The following DNAH7 variants were observed in gnomAD, a reference collection of about 807,000 sequenced individuals.
DNAH7 encodes the protein dynein axonemal heavy chain 7, also known as axonemal beta dynein heavy chain 7.
Under a neutral mutation model 444.6 loss-of-function variants are expected in DNAH7, and 397 were observed. The ratio of observed to expected loss-of-function variants is 0.89; its 90% confidence interval spans 0.82 to 0.97. The LOEUF (loss-of-function observed/expected upper bound fraction) is 0.97. DNAH7 is among the 50% of genes least tolerant of loss of function. DNAH7 has a pLI of 0.00. For missense variants in DNAH7, 4,902 were observed against 4,800.8 expected, an observed-to-expected ratio of 1.02 and a Z score of -0.62; for synonymous variants, 1,636 against 1,624.4, an observed-to-expected ratio of 1.01 and a Z score of -0.17.
chr2:195,949,087 G>T (rs1200869332), intron 19 of DNAH7, among the ~76,000 whole-genome samples: 1 of 151,940 alleles, frequency 6.6e-6, no homozygotes, highest in African/African-American at 2.4e-5. Flanking sequence ...TGATTTGGCT[G>T]TTTGTCTATT....
Position 196,068,734 on chromosome 2 carries a change from C to T in DNAH7, c.-23G>A. 1 of 1,550,902 alleles carries T rather than the reference C, an allele frequency of 6.4e-7. No homozygotes were observed. Among genetic ancestry groups the T allele is most frequent in the Non-Finnish European group, 8.7e-7 (1 of 1,147,242 alleles). On this transcript the variant is annotated 5_prime_UTR_variant, in exon 1 of 65. Coordinates refer to ENST00000312428, the MANE Select transcript of DNAH7 (RefSeq NM_018897.3). ...CATGGCTGCGAGGACGCGCTGGCCT[C>T]ACCGGTGCTTCTGGGTTGCTCCTGC... is the stretch of plus-strand genomic sequence containing the variant.
chr2:196,057,956 T>C (rs1697910137), intron 2 of DNAH7, 98 bp downstream of exon 2: 1 of 1,005,380 alleles, frequency 9.9e-7, no homozygotes, highest in Non-Finnish European at 1.4e-6. Flanking sequence ...TGTATAAAAT[T>C]TAAAATCAGA....
chr2:196,048,456 T>C, intron 3 of DNAH7, 52 bp from the exon 4 acceptor site: 1 of 1,508,838 alleles, frequency 6.6e-7, no homozygotes, highest in Non-Finnish European at 9.1e-7. Flanking sequence ...AAAAAAACCT[T>C]TTTCCATGAA....
chr2:195,903,049 C>A (rs573208127), intron 27 of DNAH7: 1 of 152,010 alleles, frequency 6.6e-6, no homozygotes, highest in Non-Finnish European at 1.5e-5. Context: ...AGGTAACATG[C>A]CAAGACTTGA....
intron 19 of DNAH7, among the ~76,000 whole-genome samples, chr2:195,956,073 C>A (rs887472961): frequency 1.1e-4 from 16 of 152,068 alleles, no homozygotes; most frequent in Admixed American, 8.5e-4. Context: ...AAAACCATGT[C>A]CATCTTTCTG....
rs140976714 is a variant in DNAH7, at chr2:195,990,775, T to TTGTGTGTG, written c.1354-2554_1354-2547dup. Among the ~76,000 whole-genome samples, 1,240 of 132,928 alleles carry TTGTGTGTG rather than the reference T, an allele frequency of 9.3e-3. 24 individuals carry two copies. Among genetic ancestry groups the TTGTGTGTG allele is most frequent in the African/African-American group, 0.032 (1,110 of 34,684 alleles). 87.2% of individuals were successfully genotyped at this position (132,928 alleles called of 152,430 possible). On this transcript the variant is annotated intron_variant, in intron 12 of 64. Transcript: ENST00000312428. ...TGATGTTTAGGTTACTATAGCTTTG[T>TTGTGTGTG]TGTGTGTGTGTGTGTGTGTGTGTGT...
At chr2:196,066,825 A>C (rs1698453580) in intron 1 of DNAH7, among the ~76,000 whole-genome samples, 1 of 152,222 alleles carries the variant, frequency 6.6e-6, no homozygotes, top group Non-Finnish European at 1.5e-5. Context: ...TGTCACATAA[A>C]AAATGGCATT....
intron 24 of DNAH7, among the ~76,000 whole-genome samples, chr2:195,911,359 G>A (rs1276116874): frequency 6.6e-6 from 1 of 151,996 alleles, no homozygotes; most frequent in Non-Finnish European, 1.5e-5. Flanking sequence ...ATAAACATAA[G>A]GAAACAGAAA....
intron 48 of DNAH7, among the ~76,000 whole-genome samples, chr2:195,826,790 AAGATAGTC>A (rs1045498460): frequency 6.8e-4 from 103 of 152,312 alleles, no homozygotes; most frequent in African/African-American, 2.5e-3. Flanking sequence ...AGGAGAGCCC[AAGATAGTC>A]AGCTCAAGGC....
chr2:196,030,563 C>T (rs1222170378), intron 5 of DNAH7, among the ~76,000 whole-genome samples: 3 of 152,170 alleles, frequency 2.0e-5, no homozygotes, highest in African/African-American at 2.4e-5. Context: ...AAGTCCCTAC[C>T]GCCTATGAGC....
chr2:195,921,013 T>A (rs1420477676), intron 24 of DNAH7, among the ~76,000 whole-genome samples: 1 of 152,128 alleles, frequency 6.6e-6, no homozygotes, highest in South Asian at 2.1e-4. Context: ...AACCACAATT[T>A]GATACCACTT....
intron 63 of DNAH7, among the ~76,000 whole-genome samples, chr2:195,745,435 G>T (rs1388560258): frequency 6.6e-6 from 1 of 152,208 alleles, no homozygotes; most frequent in East Asian, 1.9e-4. Context: ...CACTCTGCAG[G>T]ATGTTATCCA....
At chr2:195,806,639 C>G (rs1405321238) in intron 54 of DNAH7, 101 bp downstream of exon 54, 8 of 911,840 alleles carry the variant, frequency 8.8e-6, no homozygotes, top group Non-Finnish European at 1.1e-5. Flanking sequence ...CCGCAGGCTC[C>G]TCTACCTCCC....
intron 43 of DNAH7, 37 bp from the exon 44 acceptor site, chr2:195,857,760 T>C (rs762177589): frequency 2.7e-6 from 4 of 1,504,950 alleles, no homozygotes; most frequent in South Asian, 1.3e-5. Flanking sequence ...AAAAGACATG[T>C]TTGTTTATAC....
At chr2:195,744,824 G>C (rs563219860) in intron 63 of DNAH7, among the ~76,000 whole-genome samples, 258 of 152,288 alleles carry the variant, frequency 1.7e-3, no homozygotes, top group African/African-American at 5.1e-3. Flanking sequence ...CTAACAAACA[G>C]AAAGGACATC....
At chr2:195,747,306 T>C (rs1308241568) in intron 63 of DNAH7, among the ~76,000 whole-genome samples, 2 of 152,082 alleles carry the variant, frequency 1.3e-5, no homozygotes, top group African/African-American at 2.4e-5. Flanking sequence ...CAGGAAGAAG[T>C]TGAATCTCTG....
intron 61 of DNAH7, among the ~76,000 whole-genome samples, chr2:195,759,917 A>G (rs1694269414): frequency 6.6e-6 from 1 of 152,120 alleles, no homozygotes; most frequent in South Asian, 2.1e-4. Context: ...GCCTCAAGCA[A>G]TCCTCCTGTC....
intron 15 of DNAH7, among the ~76,000 whole-genome samples, chr2:195,983,635 C>G (rs761974192): frequency 6.6e-6 from 1 of 152,128 alleles, no homozygotes; most frequent in Admixed American, 6.5e-5. Flanking sequence ...GATCATGTTT[C>G]AACATAAGAT....
At chr2:195,750,385 CAT>C (rs1171078965) in intron 63 of DNAH7, among the ~76,000 whole-genome samples, 2 of 152,242 alleles carry the variant, frequency 1.3e-5, no homozygotes, top group African/African-American at 2.4e-5. Context: ...AGTTCAAAAA[CAT>C]ATAACCCTGA....
Sources: gnomAD v4.1 joint callset for allele counts (sites outside exome capture counted in the v4.1 genomes callset) on GRCh38, gnomAD v4.1.1 for gene constraint, MANE v1.5 for transcripts, NCBI Gene and HGNC (gene_info 2026-07-23, HGNC 2026-07-21) for gene names.